Variants in GPR143 observed in about 807,000 individuals in gnomAD.
GPR143 encodes the protein G-protein coupled receptor 143.
A neutral mutation model predicts 27.6 loss-of-function variants in GPR143; 8 were observed. That is an observed-to-expected ratio of 0.29 (90% CI 0.17 to 0.52). The LOEUF (loss-of-function observed/expected upper bound fraction) is 0.52. Ranked by LOEUF, GPR143 falls within the 20% of genes least tolerant of loss-of-function variation. The probability of loss-of-function intolerance (pLI) is 0.96; values close to 1 mark genes in which losing one functional copy is unlikely to be tolerated. For synonymous variants in GPR143, 156 were observed against 153.2 expected, an observed-to-expected ratio of 1.02 and a Z score of -0.13; for missense variants, 303 against 343.1, an observed-to-expected ratio of 0.88 and a Z score of 0.92.
At chrX:9,769,500 G>A (rs1396613953), upstream of GPR143, among the ~76,000 whole-genome samples, 3 of 112,371 alleles carry the variant, frequency 2.7e-5, no homozygotes, top group Non-Finnish European at 5.6e-5. Context: ...AGAGGAGGTG[G>A]CTAGGGGCAG....
At chrX:9,766,640 C>A (rs2083534597), upstream of GPR143, among the ~76,000 whole-genome samples, 1 of 111,882 alleles carries the variant, frequency 8.9e-6, no homozygotes, top group African/African-American at 3.2e-5. Flanking sequence ...GTGGGAGGAT[C>A]GCTTGAGCCC....
At chrX:9,740,617 T>C (rs904864520) in intron 7 of GPR143, among the ~76,000 whole-genome samples, 6 of 112,320 alleles carry the variant, frequency 5.3e-5, no homozygotes, top group Non-Finnish European at 1.1e-4. Context: ...CATGTTTTTC[T>C]GTACTTGTAA....
intron 8 of GPR143, among the ~76,000 whole-genome samples, chrX:9,733,155 A>C (rs1402667774): frequency 9.0e-6 from 1 of 111,492 alleles, no homozygotes; most frequent in Non-Finnish European, 1.9e-5. Flanking sequence ...AAATTGCTGG[A>C]GAAAGGCAAG....
rs191493601 is a variant in GPR143 at position 9,730,563 on chromosome X, A to T, written c.1121-4723T>A. Among the ~76,000 whole-genome samples, 4 of 111,957 alleles carry T rather than the reference A, an allele frequency of 3.6e-5. No individual in the cohort carries two copies. The Admixed American group carries it at 3.8e-4, about 11-fold the overall frequency. ...TGGGTGGGTTTTGCAGAGGAGTGGA[A>T]TAATGTCCAATTCTTGGGCAGTGTC... On this transcript the variant is annotated intron_variant, in intron 8 of 8. Transcript: ENST00000467482.
At chrX:9,753,394 G>GA (rs1262185129) in intron 3 of GPR143, among the ~76,000 whole-genome samples, 1 of 72,176 alleles carries the variant, frequency 1.4e-5, no homozygotes, top group Non-Finnish European at 2.7e-5. Flanking sequence ...AAAAATAATT[G>GA]AAAAAAACAG....
At chrX:9,773,503 ACACAC>A (rs1272459730) in intron 1 of GPR143, among the ~76,000 whole-genome samples, 4 of 110,597 alleles carry the variant, frequency 3.6e-5, no homozygotes, top group Non-Finnish European at 7.6e-5. Flanking sequence ...ACACACACAC[ACACAC>A]ACATAAACAC....
chrX:9,773,180 T>C (rs1389233609), intron 1 of GPR143, among the ~76,000 whole-genome samples: 1 of 111,999 alleles, frequency 8.9e-6, no homozygotes, highest in African/African-American at 3.2e-5. Flanking sequence ...ATGGTGAGAA[T>C]CGTTCTCACA....
At chrX:9,752,867 A>G (rs6640498) in intron 3 of GPR143, among the ~76,000 whole-genome samples, 3 of 110,333 alleles carry the variant, frequency 2.7e-5, no homozygotes, top group East Asian at 2.9e-4. Context: ...AAGAAAGAAA[A>G]AAAAAGGAAT....
chrX:9,728,889 TG>T (rs1166135538), intron 8 of GPR143, among the ~76,000 whole-genome samples: 8 of 110,476 alleles, frequency 7.2e-5, no homozygotes, highest in African/African-American at 2.6e-4. Context: ...ACACAAGCAC[TG>T]TGGGCTGTGG....
chrX:9,759,302 G>A (rs1216522388), intron 3 of GPR143, 30 bp downstream of exon 3: 2 of 931,826 alleles, frequency 2.1e-6, no homozygotes, highest in Non-Finnish European at 3.1e-6. Flanking sequence ...AATAGAACTA[G>A]GGCAGAAATC....
intron 8 of GPR143, among the ~76,000 whole-genome samples, chrX:9,731,736 GAGAGAAC>G (rs1302199771): frequency 2.9e-5 from 3 of 104,473 alleles, no homozygotes; most frequent in African/African-American, 1.0e-4. Context: ...AGATTTGTGA[GAGAGAAC>G]AGAGAACAGA....
At chrX:9,762,389 G>C (rs1225403424) in intron 1 of GPR143, among the ~76,000 whole-genome samples, 2 of 108,576 alleles carry the variant, frequency 1.8e-5, no homozygotes, top group African/African-American at 6.7e-5. Flanking sequence ...GACTCCATCT[G>C]AGAAAAAAAA....
At position 9,748,633 on chromosome X, in the gene GPR143, G is replaced by C. The variant is rs1845690132; in HGVS notation, c.489C>G (p.Gly163=). ...CCTCCACACAGAGCAGGGTGGCCAG[G>C]CCCCACGCCATGATGTGATACAGCA... The part of the protein sequence containing the change: ...TILLYHIMAW[G]LATLLCVEGA... Residue 163 remains glycine (G), a synonymous_variant, in exon 4 of 9, where the codon GGC becomes GGG. Coordinates refer to ENST00000467482, the MANE Select transcript of GPR143 (RefSeq NM_000273.3). 16 of 1,206,573 alleles carry C rather than the reference G, an allele frequency of 1.3e-5. No homozygotes were observed. The highest frequency in any genetic ancestry group is 1.7e-5 in the Non-Finnish European group (15 of 890,754).
At chrX:9,762,104 A>T (rs950918687) in intron 1 of GPR143, among the ~76,000 whole-genome samples, 2 of 100,640 alleles carry the variant, frequency 2.0e-5, no homozygotes, top group African/African-American at 7.5e-5. Flanking sequence ...AAAGAAAAGT[A>T]AAGAGCCTGG....
intron 3 of GPR143, among the ~76,000 whole-genome samples, chrX:9,752,863 G>GA (rs200230731): frequency 7.4e-5 from 8 of 107,853 alleles, no homozygotes; most frequent in South Asian, 4.0e-4. Context: ...AAGAAAGAAA[G>GA]AAAAAAAAAG....
At chrX:9,761,634 CACA>C (rs1349595364) in intron 1 of GPR143, among the ~76,000 whole-genome samples, 6 of 104,231 alleles carry the variant, frequency 5.8e-5, no homozygotes, top group South Asian at 3.9e-4. Context: ...CTTTTTTAAA[CACA>C]ACATTTAAAA....
At chrX:9,775,826 T>C (rs1047692898) in intron 1 of GPR143, among the ~76,000 whole-genome samples, 4 of 112,191 alleles carry the variant, frequency 3.6e-5, no homozygotes, top group African/African-American at 1.3e-4. Flanking sequence ...GAAGTGTGTG[T>C]GCGGCAGGGT....
intron 8 of GPR143, among the ~76,000 whole-genome samples, chrX:9,730,662 A>T (rs953030856): frequency 1.8e-5 from 2 of 112,160 alleles, no homozygotes; most frequent in African/African-American, 6.5e-5. Context: ...GGGCCTTGCC[A>T]TTGGGAGGTG....
At chrX:9,767,051 T>C (rs148687265), upstream of GPR143, among the ~76,000 whole-genome samples, 2,028 of 111,563 alleles carry the variant, frequency 0.018, 41 homozygotes, top group African/African-American at 0.062. Flanking sequence ...TTCTATTTAT[T>C]TGGATTTTTC....
Sources: gnomAD v4.1 joint callset for allele counts (sites outside exome capture counted in the v4.1 genomes callset) on GRCh38, gnomAD v4.1.1 for gene constraint, MANE v1.5 for transcripts, NCBI Gene and HGNC (gene_info 2026-07-23, HGNC 2026-07-21) for gene names.